Variants in FHIT observed in about 807,000 individuals in gnomAD.
The protein encoded by FHIT is bis(5'-adenosyl)-triphosphatase.
FHIT carries 19 observed loss-of-function variants against 17.9 expected under a neutral mutation model. The ratio of observed to expected loss-of-function variants is 1.06; its 90% CI spans 0.74 to 1.56. The LOEUF (loss-of-function observed/expected upper bound fraction) is 1.56, where lower values mean the gene tolerates loss of function less well. FHIT is among the 40% of genes most tolerant of loss of function. The probability of loss-of-function intolerance (pLI) is 0.00; values close to 1 mark genes in which losing one functional copy is unlikely to be tolerated. For missense variants in FHIT, 248 were observed against 189.2 expected, an observed-to-expected ratio of 1.31 and a Z score of -1.82; for synonymous variants, 81 against 69.7, an observed-to-expected ratio of 1.16 and a Z score of -0.81.
chr3:61,090,881 A>T (rs903175114), intron 2 of FHIT, among the ~76,000 whole-genome samples: 2 of 152,182 alleles, frequency 1.3e-5, no homozygotes. Context: ...AAAATTGATG[A>T]CATCACTCCA....
chr3:59,893,464 G>A (rs1346832281), intron 8 of FHIT, among the ~76,000 whole-genome samples: 1 of 152,180 alleles, frequency 6.6e-6, no homozygotes, highest in Non-Finnish European at 1.5e-5. Context: ...ATGGAAAAAA[G>A]ATCCCTAGAA....
chr3:61,029,433 A>AT (rs1234632371), intron 3 of FHIT, among the ~76,000 whole-genome samples: 2 of 152,184 alleles, frequency 1.3e-5, no homozygotes, highest in Non-Finnish European at 2.9e-5. Context: ...GATTGATGAG[A>AT]TTTTTTTACT....
chr3:61,211,169 G>A (rs1463214087), intron 1 of FHIT, among the ~76,000 whole-genome samples: 1 of 151,758 alleles, frequency 6.6e-6, no homozygotes, highest in African/African-American at 2.4e-5. Context: ...AGTGGTTGCA[G>A]AGCACCGTGC....
intron 1 of FHIT, 40 bp from the exon 2 acceptor site, chr3:61,200,705 G>A (rs1030089013): frequency 5.2e-5 from 8 of 152,586 alleles, no homozygotes; most frequent in African/African-American, 1.4e-4. Context: ...TTGTCTGTGA[G>A]TACAACAACA....
At chr3:60,628,812 A>G (rs1251397501) in intron 4 of FHIT, among the ~76,000 whole-genome samples, 2 of 152,144 alleles carry the variant, frequency 1.3e-5, no homozygotes, top group African/African-American at 4.8e-5. Flanking sequence ...TGAGCTTCAG[A>G]GTTCTTATGG....
intron 5 of FHIT, among the ~76,000 whole-genome samples, chr3:60,176,667 T>C (rs984340369): frequency 1.3e-5 from 2 of 152,100 alleles, no homozygotes; most frequent in African/African-American, 2.4e-5. Context: ...AGGGCTGAAA[T>C]GTCCCAAAGA....
Position 60,362,490 on chromosome 3 carries a change from A to G in FHIT, c.103+174370T>C, listed in dbSNP as rs1204701383. Among the ~76,000 whole-genome samples the G allele has an allele frequency of 2.0e-5, 3 of 152,290 alleles. No individual in the cohort carries two copies. The East Asian group carries it at 5.8e-4, about 29-fold the overall frequency. On this transcript the variant is annotated intron_variant, in intron 5 of 9. Coordinates refer to ENST00000492590, the MANE Select transcript of FHIT (RefSeq NM_002012.4). ...ACTTTTTGTTTCTAGCAAGCATGACACCACTAGGTATGAGCTGTGTGCTTA... is the reference window on the plus strand; with the variant it reads ...ACTTTTTGTTTCTAGCAAGCATGACGCCACTAGGTATGAGCTGTGTGCTTA...
intron 3 of FHIT, among the ~76,000 whole-genome samples, chr3:60,911,396 CA>C (rs1706736447): frequency 6.6e-6 from 1 of 151,462 alleles, no homozygotes; most frequent in Admixed American, 6.6e-5. Flanking sequence ...CACACACACA[CA>C]CCCTTCCACC....
chr3:60,994,130 T>A (rs993636449), intron 3 of FHIT, among the ~76,000 whole-genome samples: 19 of 152,264 alleles, frequency 1.2e-4, no homozygotes, highest in Non-Finnish European at 2.5e-4. Flanking sequence ...AATATACTAT[T>A]TAAATTTATG....
intron 4 of FHIT, among the ~76,000 whole-genome samples, chr3:60,762,286 G>A (rs1397913445): frequency 1.3e-5 from 2 of 152,078 alleles, no homozygotes; most frequent in Admixed American, 1.3e-4. Flanking sequence ...TCATCAAAAA[G>A]ATATCGGTTG....
intron 5 of FHIT, among the ~76,000 whole-genome samples, chr3:60,234,608 G>C (rs1232979513): frequency 1.3e-5 from 2 of 152,144 alleles, no homozygotes; most frequent in African/African-American, 4.8e-5. Context: ...GTCTTAGCTG[G>C]TGTTAAACCA....
At chr3:60,715,433 T>G (rs2041657217) in intron 4 of FHIT, among the ~76,000 whole-genome samples, 1 of 151,938 alleles carries the variant, frequency 6.6e-6, no homozygotes, top group Admixed American at 6.6e-5. Context: ...TGGAATACCA[T>G]GCAGCCGTAA....
intron 3 of FHIT, among the ~76,000 whole-genome samples, chr3:60,855,029 C>T (rs1553749559): frequency 6.6e-6 from 1 of 152,132 alleles, no homozygotes; most frequent in Non-Finnish European, 1.5e-5. Flanking sequence ...TCAGTCATCT[C>T]ATTTGCTTTC....
chr3:60,683,978 C>T (rs1227463877), intron 4 of FHIT, among the ~76,000 whole-genome samples: 1 of 152,056 alleles, frequency 6.6e-6, no homozygotes, highest in Non-Finnish European at 1.5e-5. Flanking sequence ...TTACATGTCT[C>T]ATTTAATCCT....
intron 3 of FHIT, among the ~76,000 whole-genome samples, chr3:60,987,077 A>T (rs1229282035): frequency 1.3e-5 from 2 of 152,212 alleles, no homozygotes; most frequent in African/African-American, 4.8e-5. Context: ...ATATGTGAGC[A>T]GTTGGAATTA....
chr3:60,444,724 T>G (rs1052102281), intron 5 of FHIT, among the ~76,000 whole-genome samples: 1 of 151,924 alleles, frequency 6.6e-6, no homozygotes, highest in Non-Finnish European at 1.5e-5. Context: ...GAGATAGCAT[T>G]AGGAGATATA....
intron 8 of FHIT, among the ~76,000 whole-genome samples, chr3:59,768,292 A>G (rs912496363): frequency 3.9e-5 from 6 of 152,206 alleles, no homozygotes; most frequent in African/African-American, 1.4e-4. Flanking sequence ...CTGGTCCTGG[A>G]CATGGTTTTC....
At position 60,736,097 on chromosome 3, in the gene FHIT, C is replaced by A. The variant is rs372014414; in HGVS notation, c.-18+85822G>T. On this transcript the variant is annotated intron_variant, in intron 4 of 9. Transcript: ENST00000492590. The stretch of plus-strand genomic sequence containing the variant: ...AATGCAAATCAGCTCTACAATGATA[C>A]CACTTCACACTCACTAGAATGGCTA... Among the ~76,000 whole-genome samples, 37 of 152,274 alleles carry A rather than the reference C, an allele frequency of 2.4e-4. No individual in the cohort carries two copies. In the South Asian group the frequency reaches 6.2e-3, roughly 26 times the overall value.
chr3:59,757,046 T>A (rs1435391919), intron 8 of FHIT, among the ~76,000 whole-genome samples: 1 of 152,158 alleles, frequency 6.6e-6, no homozygotes, highest in Non-Finnish European at 1.5e-5. Flanking sequence ...CCATCTCTCC[T>A]TTCTGCAGGT....
Sources: allele counts gnomAD v4.1 joint callset (sites outside exome capture counted in the v4.1 genomes callset), GRCh38; gene constraint gnomAD v4.1.1; transcripts MANE v1.5; gene names NCBI Gene and HGNC (gene_info 2026-07-23, HGNC 2026-07-21).